NEB: variants seen among roughly 807,000 people sequenced by gnomAD.
NEB encodes nemaline myopathy type 2.
NEB carries 512 observed loss-of-function variants against 952.2 expected under a neutral mutation model. The ratio of observed to expected loss-of-function variants is 0.54; its 90% CI spans 0.50 to 0.58. NEB has a LOEUF of 0.58. NEB is among the 20% of genes least tolerant of loss of function. NEB has a pLI of 0.00. For missense variants in NEB, 8,428 were observed against 9,231.1 expected (o/e 0.91, Z 3.56); for synonymous variants, 2,900 against 3,149.8 (o/e 0.92, Z 2.66).
intron 29 of NEB, 56 bp from the exon 30 acceptor site, chr2:151,680,884 C>G: frequency 7.7e-7 from 1 of 1,303,866 alleles, no homozygotes; most frequent in Non-Finnish European, 1.1e-6. Flanking sequence ...AAGATTAATA[C>G]GTCAAAATCC....
chr2:151,569,573 A>G (rs1307817816), intron 109 of NEB, among the ~76,000 whole-genome samples: 1 of 152,208 alleles, frequency 6.6e-6, no homozygotes, highest in East Asian at 1.9e-4. Flanking sequence ...TTTTATTTAA[A>G]GGGGGTTATC....
chr2:151,721,667 G>A (rs1217395636), intron 9 of NEB, among the ~76,000 whole-genome samples: 1 of 152,120 alleles, frequency 6.6e-6, no homozygotes, highest in Non-Finnish European at 1.5e-5. Flanking sequence ...AAGAGGAAAG[G>A]ATGAAAACTG....
At chr2:151,730,878 A>G (rs556599405) in intron 3 of NEB, among the ~76,000 whole-genome samples, 15 of 152,258 alleles carry the variant, frequency 9.9e-5, no homozygotes, top group South Asian at 8.3e-4. Flanking sequence ...CTCTTGAGCT[A>G]TTGTTTTAAT....
At chr2:151,631,699 T>G (rs544714293) in intron 65 of NEB, among the ~76,000 whole-genome samples, 7 of 152,242 alleles carry the variant, frequency 4.6e-5, no homozygotes, top group African/African-American at 1.7e-4. Flanking sequence ...CCTTAGTGAA[T>G]CAATTTTAGG....
chr2:151,554,675 A>G (rs2095531481), intron 125 of NEB, among the ~76,000 whole-genome samples: 1 of 152,224 alleles, frequency 6.6e-6, no homozygotes, highest in African/African-American at 2.4e-5. Flanking sequence ...GTTTCAGTCA[A>G]AAGATTATAA....
rs192186947 is a variant in NEB at position 151,658,210 on chromosome 2, G to A, written c.6076-120C>T. The A allele has an allele frequency of 7.5e-5, 49 of 653,588 alleles. No individual in the cohort carries two copies. In the African/African-American group the frequency reaches 8.7e-4, roughly 12 times the overall value. 40.5% of individuals were successfully genotyped at this position (653,588 alleles called of 1,614,324 possible). On this transcript the variant is annotated intron_variant, in intron 47 of 181. Transcript: ENST00000397345. ...TGTTTTTGAGCAGAATGCTTCGTTG[G>A]TGCTTCAGTGGCTGAATGTTCTTAC...
rs773457010 is a variant in NEB at position 151,514,854 on chromosome 2, C to G, written c.22980G>C (p.Leu7660Phe). 2.0e-5 allele frequency: 31 copies of G among 1,586,588 alleles called. No individual in the cohort carries two copies. ...TTTTAGTTGCATATTTGACATGTAA[C>G]AAAGCTGGCGTGACCTCCAGGCCAG... ...NLTGLEVTPALLHVKYATKIA... is the reference protein window; with the variant it reads ...NLTGLEVTPAFLHVKYATKIA... The change falls in exon 158 of 182, where the codon TTG becomes TTC. Residue 7660 changes from leucine to phenylalanine, a missense_variant. Leu to Phe is a conservative substitution (Grantham distance 22). Transcript: ENST00000397345.
intron 46 of NEB, among the ~76,000 whole-genome samples, chr2:151,660,711 A>C (rs1323989863): frequency 6.6e-6 from 1 of 152,202 alleles, no homozygotes; most frequent in African/African-American, 2.4e-5. Flanking sequence ...GTTGTAGTCC[A>C]AAAGCAGCCA....
chr2:151,617,226 A>T, intron 75 of NEB, 138 bp downstream of exon 75: 2 of 531,476 alleles, frequency 3.8e-6, no homozygotes. Context: ...AAATTGAATC[A>T]AGTGAGAACT....
In NEB at chr2:151,662,252, G is replaced by T. The variant is rs757546480; in HGVS notation, c.5853C>A (p.Ala1951=). The change falls in exon 46 of 182, where the codon GCC becomes GCA. Residue 1951 remains alanine (A), a synonymous_variant. Transcript: ENST00000397345. Reference sequence around the variant, plus strand: ...ACTTCTTTTCACTAATAATCTCCATGGCTTTCTTGTTTTTCTCTGCTTCCA... The same window carrying T: ...ACTTCTTTTCACTAATAATCTCCATTGCTTTCTTGTTTTTCTCTGCTTCCA... ...GSLEAEKNKK[A]MEIISEKKYR... is the part of the protein sequence containing the mutation. 14 of 1,613,576 alleles carry T rather than the reference G, an allele frequency of 8.7e-6. No individual in the cohort carries two copies. In the East Asian group the frequency reaches 2.9e-4, roughly 33 times the overall value.
Position 151,541,551 on chromosome 2 carries a change from G to A in NEB, c.20578C>T (p.Leu6860=). Reference sequence around the variant, plus strand: ...TTCTTGCCTGCAGCTCTGTAGACCAGCTAGACATAAACCAAGTTATCACCA... The same window carrying A: ...TTCTTGCCTGCAGCTCTGTAGACCAACTAGACATAAACCAAGTTATCACCA... ...VQELKTHLSE[L]VYRAAGKKQK... is the part of the protein sequence containing the mutation. The change falls in exon 136 of 182, where the codon CTG becomes TTG. Residue 6860 remains leucine (L), a splice_region_variant and synonymous_variant. Coordinates refer to ENST00000397345, the MANE Select transcript of NEB (RefSeq NM_001164508.2). The A allele has an allele frequency of 6.2e-7, 1 of 1,611,846 alleles. No individual in the cohort carries two copies. Among genetic ancestry groups the A allele is most frequent in the South Asian group, 1.1e-5 (1 of 90,920 alleles).
Position 151,691,920 on chromosome 2 carries a change from G to A in NEB, c.2155C>T (p.Pro719Ser), listed in dbSNP as rs376503299. The A allele has an allele frequency of 2.4e-5, 38 of 1,608,256 alleles. No homozygotes were observed. Among genetic ancestry groups the A allele is most frequent in the Non-Finnish European group, 2.8e-5 (33 of 1,176,586 alleles). Residue 719 changes from proline (P) to serine (S), a missense_variant, in exon 23 of 182, where the codon CCT (proline) becomes TCT (serine). Around this residue, in one of 11 missense-constraint regions of NEB, gnomAD observed 2,851 missense variants for 2,791.5 expected, o/e 1.02. Transcript: ENST00000397345. The part of the protein sequence containing the change: ...YEEDKGKCYF[P>S]QTITQEYEAI... ...TCATATTCTTGTGTTATTGTCTGAG[G>A]GAAATAGCATTTTCCTTTATCTTCT...
At chr2:151,661,025 A>C (rs1195145144) in intron 46 of NEB, among the ~76,000 whole-genome samples, 1 of 152,078 alleles carries the variant, frequency 6.6e-6, no homozygotes, top group Non-Finnish European at 1.5e-5. Flanking sequence ...AGTGGTGACT[A>C]GTTATCAGAA....
At position 151,490,391 on chromosome 2, in the gene NEB, A is replaced by T. The variant is rs779322634; in HGVS notation, c.25278T>A (p.Gly8426=). 1.3e-6 allele frequency: 2 copies of T among 1,591,074 alleles called. No homozygotes were observed. The highest frequency in any genetic ancestry group is 4.6e-5 in the East Asian group (2 of 43,652). ...DHHLSTYSDG[G]VFAVSTAYKH... is the part of the protein sequence containing the mutation. ...TTGTACCTGTTGAGACTGCAAAGAC[A>T]CCCCCGTCGCTGTAAGTCGAAAGGT... Residue 8426 remains glycine (G), a synonymous_variant, in exon 180 of 182, where the codon GGT becomes GGA. Transcript: ENST00000397345.
rs1199290119 is a variant in NEB at position 151,677,545 on chromosome 2, C to T, written c.3774+20G>A. On this transcript the variant is annotated intron_variant, in intron 34 of 181. Coordinates refer to ENST00000397345, the MANE Select transcript of NEB (RefSeq NM_001164508.2). ...AAGCTTCCTCCATATCCTCTGTCCT[C>T]TCTATTTTATTGTACTCACATCACT... 1 of 1,590,978 alleles carries T rather than the reference C, an allele frequency of 6.3e-7. No individual in the cohort carries two copies. The highest frequency in any genetic ancestry group is 8.6e-7 in the Non-Finnish European group (1 of 1,163,578).
intron 74 of NEB, among the ~76,000 whole-genome samples, 173 bp from the exon 75 acceptor site, chr2:151,617,641 T>C (rs2098246991): frequency 1.3e-5 from 2 of 152,248 alleles, no homozygotes; most frequent in South Asian, 4.1e-4. Flanking sequence ...CTTTCAATAA[T>C]CTGTTAAAGG....
Position 151,561,126 on chromosome 2 carries a change from T to C in NEB, c.19102-18A>G. 6.4e-7 allele frequency: 1 copy of C among 1,560,548 alleles called. No homozygotes were observed. The highest frequency in any genetic ancestry group is 8.8e-7 in the Non-Finnish European group (1 of 1,136,494). Reference sequence around the variant, plus strand: ...TATTTTACCTGTAGACAAGCAACAATAGGTTATTCACCTCTGTTGTTAGAA... The same window carrying C: ...TATTTTACCTGTAGACAAGCAACAACAGGTTATTCACCTCTGTTGTTAGAA... On this transcript the variant is annotated intron_variant, in intron 122 of 181. Coordinates refer to ENST00000397345, the MANE Select transcript of NEB (RefSeq NM_001164508.2).
intron 156 of NEB, among the ~76,000 whole-genome samples, chr2:151,518,016 C>G (rs1055896118): frequency 1.3e-5 from 2 of 152,126 alleles, no homozygotes; most frequent in African/African-American, 4.8e-5. Context: ...TGTTCCCTAA[C>G]CTGGGGCACA....
intron 48 of NEB, among the ~76,000 whole-genome samples, chr2:151,657,315 T>TC (rs773641769): frequency 5.0e-4 from 76 of 152,140 alleles, no homozygotes; most frequent in Non-Finnish European, 8.7e-4. Flanking sequence ...AATATGCTCC[T>TC]CCCAGGACCT....
Sources: gnomAD v4.1 joint callset for allele counts (sites outside exome capture counted in the v4.1 genomes callset) on GRCh38, gnomAD v4.1.1 for gene constraint, gnomAD v4.1.1 regional missense constraint, MANE v1.5 for transcripts, NCBI Gene and HGNC (gene_info 2026-07-23, HGNC 2026-07-21) for gene names.